Variants in CYS1 observed in about 807,000 individuals in gnomAD.
CYS1 encodes cystin 1.
Under a neutral mutation model 9.6 loss-of-function variants are expected in CYS1, and 5 were observed. The observed-to-expected ratio is 0.52, with a 90% CI of 0.27 to 1.10. The LOEUF is 1.10. Among genes scored for constraint, CYS1 ranks in the 50% least tolerant of loss-of-function variants. The probability of loss-of-function intolerance (pLI) is 0.11; values close to 1 mark genes in which losing one functional copy is unlikely to be tolerated. For synonymous variants in CYS1, 88 were observed against 95.7 expected, an observed-to-expected ratio of 0.92 and a Z score of 0.47; for missense variants, 221 against 207.9, an observed-to-expected ratio of 1.06 and a Z score of -0.39.
intron 1 of CYS1, among the ~76,000 whole-genome samples, chr2:10,073,080 G>T (rs1288613164): frequency 4.0e-5 from 6 of 149,768 alleles, no homozygotes; most frequent in South Asian, 4.2e-4. Flanking sequence ...GCATGGGGGG[G>T]CGGTGCAGGC....
Position 10,076,599 on chromosome 2 carries a change from C to G in CYS1, c.318+3307G>C, listed in dbSNP as rs545045015. Among the ~76,000 whole-genome samples the G allele has an allele frequency of 6.6e-6, 1 of 152,310 alleles. No homozygotes were observed. The highest frequency in any genetic ancestry group is 2.1e-4 in the South Asian group (1 of 4,828). ...TCCAGCAGCTGAGCACGCCCTCCGT[C>G]CTAAGCACCTTCCTCCCTTGGCTTC... On this transcript the variant is annotated intron_variant, in intron 1 of 2. Transcript: ENST00000381813. The surrounding 1 kb of genome is among the most constrained non-coding windows in gnomAD (Gnocchi z 4.3).
In CYS1 at chr2:10,076,495, A is replaced by G. The variant is rs1437819935; in HGVS notation, c.318+3411T>C. Among the ~76,000 whole-genome samples the G allele has an allele frequency of 6.6e-6, 1 of 152,132 alleles. No homozygotes were observed. On this transcript the variant is annotated intron_variant, in intron 1 of 2. Coordinates refer to ENST00000381813, the MANE Select transcript of CYS1 (RefSeq NM_001037160.3). This position sits in a 1 kb window ranked among gnomAD's most constrained non-coding sequence, Gnocchi z 4.3. The stretch of plus-strand genomic sequence containing the variant: ...CCACTCTCTGACCCATCTCTCACCA[A>G]GGACCTTGAGACCTCCCGAGTGGCT...
intron 1 of CYS1, among the ~76,000 whole-genome samples, chr2:10,067,170 C>G (rs1441201522): frequency 6.6e-6 from 1 of 152,016 alleles, no homozygotes; most frequent in Admixed American, 6.6e-5. Context: ...TGCCCGCCAC[C>G]ACACGCAGCT....
chr2:10,070,161 G>T (rs1388074305), intron 1 of CYS1, among the ~76,000 whole-genome samples: 1 of 152,142 alleles, frequency 6.6e-6, no homozygotes, highest in East Asian at 1.9e-4. Flanking sequence ...GGGTAAGAAG[G>T]GATCGCGACA....
intron 1 of CYS1, among the ~76,000 whole-genome samples, chr2:10,073,120 C>A (rs1260820742): frequency 6.8e-6 from 1 of 147,654 alleles, no homozygotes; most frequent in Non-Finnish European, 1.5e-5. Flanking sequence ...CAGATGGGCT[C>A]TGGGGGGCAG....
intron 1 of CYS1, among the ~76,000 whole-genome samples, chr2:10,073,933 A>G (rs903270340): frequency 6.6e-6 from 1 of 152,230 alleles, no homozygotes; most frequent in Non-Finnish European, 1.5e-5. Flanking sequence ...GCCAGCAGCC[A>G]GGGACCATGA....
At chr2:10,066,645 C>T (rs1365486266) in intron 1 of CYS1, among the ~76,000 whole-genome samples, 1 of 152,266 alleles carries the variant, frequency 6.6e-6, no homozygotes, top group Non-Finnish European at 1.5e-5. Flanking sequence ...TTCCCAGCTT[C>T]TTTCTTTTTC....
chr2:10,058,979 A>G (rs1197890896), intron 2 of CYS1, 21 bp from the exon 3 acceptor site: 2 of 1,558,782 alleles, frequency 1.3e-6, no homozygotes, highest in Non-Finnish European at 1.7e-6. Flanking sequence ...GAAATGGGAC[A>G]GGGCTGTCAG....
At chr2:10,064,619 C>T (rs866943232) in intron 2 of CYS1, among the ~76,000 whole-genome samples, 16 of 152,336 alleles carry the variant, frequency 1.1e-4, no homozygotes, top group Middle Eastern at 6.8e-3. Context: ...CCTACCACCC[C>T]CACCTGTCCA....
rs1277246630 is a variant in CYS1 at position 10,063,122 on chromosome 2, G to A, written c.371+2782C>T. 2.0e-5 allele frequency among the ~76,000 whole-genome samples: 3 copies of A among 152,224 alleles called. No homozygotes were observed. The highest frequency in any genetic ancestry group is 1.9e-4 in the East Asian group (1 of 5,198). The stretch of plus-strand genomic sequence containing the variant: ...TCAGGACTGGGGTCAAGGCCCACAC[G>A]CCCCAGGCTGACATTAAACAATCCT... On this transcript the variant is annotated intron_variant, in intron 2 of 2. Transcript: ENST00000381813. The surrounding 1 kb of genome is among the most constrained non-coding windows in gnomAD (Gnocchi z 4.2).
chr2:10,059,025 G>C, intron 2 of CYS1, 67 bp from the exon 3 acceptor site: 1 of 1,438,410 alleles, frequency 7.0e-7, no homozygotes, highest in South Asian at 1.2e-5. Context: ...ATTTCCCCTG[G>C]CCACCACAAT....
Position 10,058,789 on chromosome 2 carries a change from C to T in CYS1, c.*64G>A, listed in dbSNP as rs1661585481. ...GTTCAGCTCCTGCTAGAGCTCTGTG[C>T]AAGCAGAGGGTGCCCCAGCCAGCAG... On this transcript the variant is annotated 3_prime_UTR_variant, in exon 3 of 3. Coordinates refer to ENST00000381813, the MANE Select transcript of CYS1 (RefSeq NM_001037160.3). 4 of 1,403,478 alleles carry T rather than the reference C, an allele frequency of 2.9e-6. No homozygotes were observed. Among genetic ancestry groups the T allele is most frequent in the Non-Finnish European group, 2.9e-6 (3 of 1,031,070 alleles). 86.9% of individuals were successfully genotyped at this position (1,403,478 alleles called of 1,614,324 possible).
intron 1 of CYS1, among the ~76,000 whole-genome samples, chr2:10,077,206 C>T (rs557018102): frequency 2.0e-5 from 3 of 152,154 alleles, no homozygotes; most frequent in Non-Finnish European, 4.4e-5. Flanking sequence ...TGGATGACTG[C>T]AGAAGCTCCC....
intron 1 of CYS1, among the ~76,000 whole-genome samples, chr2:10,074,655 A>G (rs1045311110): frequency 4.6e-5 from 7 of 152,260 alleles, no homozygotes; most frequent in African/African-American, 1.7e-4. Context: ...ATAAACATTT[A>G]AAAATAATGA....
chr2:10,067,282 T>C (rs1222458726), intron 1 of CYS1, among the ~76,000 whole-genome samples: 3 of 152,198 alleles, frequency 2.0e-5, no homozygotes, highest in Admixed American at 1.3e-4. Flanking sequence ...CCTCCCAAAG[T>C]GCTGGGATTA....
intron 1 of CYS1, among the ~76,000 whole-genome samples, chr2:10,067,006 C>T (rs902440295): frequency 3.3e-5 from 5 of 152,048 alleles, no homozygotes; most frequent in African/African-American, 1.2e-4. Context: ...CCATGGATAT[C>T]TCTTTTTATT....
At chr2:10,066,836 AC>A (rs1482811349) in intron 1 of CYS1, among the ~76,000 whole-genome samples, 1 of 150,880 alleles carries the variant, frequency 6.6e-6, no homozygotes, top group Admixed American at 6.6e-5. Flanking sequence ...GGGGAAAAAA[AC>A]CTTGGGGATT....
intron 2 of CYS1, among the ~76,000 whole-genome samples, chr2:10,061,781 G>A (rs1661631860): frequency 6.6e-6 from 1 of 152,148 alleles, no homozygotes; most frequent in Admixed American, 6.5e-5. Context: ...CTGTCTGCCT[G>A]GCAACACTCC....
Position 10,058,630 on chromosome 2 carries a change from A to T in CYS1, c.*223T>A. ...AGGCGCCGGCGGCCCAGGCCCACGC[A>T]CCTGTGGGTCTACACAGCTAATCGC... On this transcript the variant is annotated 3_prime_UTR_variant, in exon 3 of 3. Transcript: ENST00000381813. The T allele has an allele frequency of 2.3e-6, 1 of 444,402 alleles. No individual in the cohort carries two copies. Among genetic ancestry groups the T allele is most frequent in the Non-Finnish European group, 4.0e-6 (1 of 247,306 alleles). 27.5% of individuals were successfully genotyped at this position (444,402 alleles called of 1,614,324 possible).
Sources: allele counts gnomAD v4.1 joint callset (sites outside exome capture counted in the v4.1 genomes callset), GRCh38; gene constraint gnomAD v4.1.1; non-coding constraint Gnocchi (gnomAD v3.1); transcripts MANE v1.5; gene names NCBI Gene and HGNC (gene_info 2026-07-23, HGNC 2026-07-21).